CA5A: variants seen among roughly 807,000 people sequenced by gnomAD.
CA5A encodes carbonic anhydrase 5A, mitochondrial.
A neutral mutation model predicts 37.1 loss-of-function variants in CA5A; 28 were observed. The observed-to-expected ratio is 0.75, with a 90% confidence interval of 0.56 to 1.03. The LOEUF is 1.03. CA5A is among the 50% of genes least tolerant of loss of function. The probability of loss-of-function intolerance (pLI) is 0.00; values close to 1 mark genes in which losing one functional copy is unlikely to be tolerated. For synonymous variants in CA5A, 171 were observed against 158.4 expected, an observed-to-expected ratio of 1.08 and a Z score of -0.60; for missense variants, 444 against 399.9, an observed-to-expected ratio of 1.11 and a Z score of -0.94.
rs1337176731 is a variant in CA5A at position 87,902,489 on chromosome 16, T to C, written c.491A>G (p.Tyr164Cys). 6.2e-6 allele frequency: 10 copies of C among 1,609,344 alleles called. No individual in the cohort carries two copies. The highest frequency in any genetic ancestry group is 8.5e-6 in the Non-Finnish European group (10 of 1,175,732). ...LHLVHWNSVKYQNYKEAVVGE... is the reference protein window; with the variant it reads ...LHLVHWNSVKCQNYKEAVVGE... The stretch of plus-strand genomic sequence containing the variant: ...CACGACAGCTTCCTTGTAATTTTGG[T>C]ATTTCACAGAATTCCAGTGAACTAA... The change falls in exon 4 of 7, where the codon TAC becomes TGC. Residue 164 changes from tyrosine to cysteine, a missense_variant. Physicochemically the swap from Tyr to Cys is radical, Grantham distance 194. Coordinates refer to ENST00000649794, the MANE Select transcript of CA5A (RefSeq NM_001739.2).
chr16:87,894,201 T>C (rs2055768295), intron 5 of CA5A, among the ~76,000 whole-genome samples: 1 of 152,126 alleles, frequency 6.6e-6, no homozygotes, highest in African/African-American at 2.4e-5. Context: ...TGATCTCAGC[T>C]CACGGTGGTT....
intron 1 of CA5A, among the ~76,000 whole-genome samples, chr16:87,927,608 T>A (rs2056330277): frequency 3.3e-5 from 5 of 152,186 alleles, no homozygotes. Context: ...ACGCCTGTAA[T>A]CCCAGCATTT....
At chr16:87,916,125 G>A (rs187737800) in intron 2 of CA5A, among the ~76,000 whole-genome samples, 46 of 144,522 alleles carry the variant, frequency 3.2e-4, no homozygotes, top group Middle Eastern at 3.7e-3. Context: ...CAGAGATCGC[G>A]CCACTGCACT....
At chr16:87,892,050 G>T (rs2055724681) in intron 5 of CA5A, 96 bp from the exon 6 acceptor site, 2 of 1,195,680 alleles carry the variant, frequency 1.7e-6, no homozygotes, top group Admixed American at 3.6e-5. Flanking sequence ...GTGCTTGGAA[G>T]GAAGTGCTTT....
chr16:87,915,536 T>TAA (rs1200194394), intron 2 of CA5A, among the ~76,000 whole-genome samples: 3 of 127,822 alleles, frequency 2.3e-5, no homozygotes, highest in African/African-American at 8.7e-5. Context: ...ATTTTTTTTT[T>TAA]TTTTTTTTTT....
At chr16:87,899,537 A>T (rs564914905) in intron 5 of CA5A, among the ~76,000 whole-genome samples, 1 of 150,664 alleles carries the variant, frequency 6.6e-6, no homozygotes, top group Non-Finnish European at 1.5e-5. Context: ...ACCTGACCTC[A>T]AGTGATAAGC....
chr16:87,929,185 C>T (rs576731719), intron 1 of CA5A, among the ~76,000 whole-genome samples: 1 of 151,774 alleles, frequency 6.6e-6, no homozygotes, highest in East Asian at 2.0e-4. Flanking sequence ...GGCGCGGTGG[C>T]TCACGCCTAT....
chr16:87,890,802 T>C (rs1213842038), intron 6 of CA5A, among the ~76,000 whole-genome samples: 1 of 151,432 alleles, frequency 6.6e-6, no homozygotes, highest in African/African-American at 2.4e-5. Flanking sequence ...TTTTATTTAT[T>C]TATTTATTTG....
At chr16:87,928,539 T>C (rs555259419) in intron 1 of CA5A, among the ~76,000 whole-genome samples, 21 of 152,248 alleles carry the variant, frequency 1.4e-4, no homozygotes, top group Non-Finnish European at 2.4e-4. Flanking sequence ...GTAAGTTGCC[T>C]TTTTTCATTT....
chr16:87,935,118 C>T (rs915101381), intron 1 of CA5A, among the ~76,000 whole-genome samples: 4 of 152,238 alleles, frequency 2.6e-5, no homozygotes, highest in Non-Finnish European at 4.4e-5. Flanking sequence ...CCTCAGCAAG[C>T]GTCAGTCGGA....
chr16:87,920,249 C>T (rs1455548678), intron 2 of CA5A, among the ~76,000 whole-genome samples: 3 of 152,218 alleles, frequency 2.0e-5, no homozygotes, highest in Non-Finnish European at 4.4e-5. Context: ...ACTGATGATC[C>T]TCCTGCTCCC....
At chr16:87,910,404 T>C (rs1395749648) in intron 2 of CA5A, among the ~76,000 whole-genome samples, 2 of 152,010 alleles carry the variant, frequency 1.3e-5, no homozygotes, top group Non-Finnish European at 2.9e-5. Context: ...GATGAGGAAA[T>C]TGAGACGCAG....
At chr16:87,901,798 G>T (rs938984743) in intron 5 of CA5A, 114 bp downstream of exon 5, 36 of 741,250 alleles carry the variant, frequency 4.9e-5, no homozygotes, top group Non-Finnish European at 8.4e-5. Flanking sequence ...TGTTGGTCAG[G>T]CTGGTCTCGA....
intron 1 of CA5A, among the ~76,000 whole-genome samples, chr16:87,933,500 C>G (rs1419697650): frequency 2.0e-5 from 3 of 152,086 alleles, no homozygotes; most frequent in Admixed American, 1.3e-4. Context: ...CTCAGCCTCC[C>G]AAGTAGCTGG....
At chr16:87,885,190 A>AAACAAC (rs534897829), downstream of CA5A, 2 of 169,874 alleles carry the variant, frequency 1.2e-5, no homozygotes, top group Admixed American at 5.9e-5. Flanking sequence ...AAACAAAACA[A>AAACAAC]AACAACAACA....
chr16:87,885,385 G>A (rs553381184), downstream of CA5A: 6 of 152,664 alleles, frequency 3.9e-5, no homozygotes, highest in East Asian at 1.9e-4. Context: ...ATATGCAGAC[G>A]GCCAATGAAT....
chr16:87,895,805 T>G (rs190995761), intron 5 of CA5A, among the ~76,000 whole-genome samples: 104 of 152,288 alleles, frequency 6.8e-4, no homozygotes, highest in Non-Finnish European at 9.6e-4. Context: ...CACGGCGCTT[T>G]TGAGGCTCAC....
intron 2 of CA5A, among the ~76,000 whole-genome samples, chr16:87,918,127 A>G (rs778375485): frequency 6.6e-6 from 1 of 152,078 alleles, no homozygotes; most frequent in Non-Finnish European, 1.5e-5. Context: ...CCTGGCAGGC[A>G]CCCCCCAATT....
chr16:87,895,025 G>T (rs1184732225), intron 5 of CA5A, among the ~76,000 whole-genome samples: 4 of 152,112 alleles, frequency 2.6e-5, no homozygotes. Flanking sequence ...CGATGTGGGA[G>T]GACTGCTTGA....
Sources: gnomAD v4.1 joint callset for allele counts (sites outside exome capture counted in the v4.1 genomes callset) on GRCh38, gnomAD v4.1.1 for gene constraint, MANE v1.5 for transcripts, NCBI Gene and HGNC (gene_info 2026-07-23, HGNC 2026-07-21) for gene names.